ARHGAP20: variants seen among roughly 807,000 people sequenced by gnomAD.
ARHGAP20 encodes Rho GTPase activating protein 20.
ARHGAP20 carries 34 observed loss-of-function variants against 73.7 expected under a neutral mutation model. The observed-to-expected ratio is 0.46, with a 90% confidence interval of 0.35 to 0.61. ARHGAP20 has a LOEUF of 0.61. Ranked by LOEUF, ARHGAP20 falls within the 20% of genes least tolerant of loss-of-function variation. The probability of loss-of-function intolerance (pLI) is 0.00; values close to 1 mark genes in which losing one functional copy is unlikely to be tolerated. For missense variants in ARHGAP20, 1,314 were observed against 1,420.9 expected (o/e 0.92, Z 1.21); for synonymous variants, 523 against 518.2 (o/e 1.01, Z -0.13).
intron 2 of ARHGAP20, among the ~76,000 whole-genome samples, chr11:110,634,822 T>A (rs928492368): frequency 6.6e-6 from 1 of 152,120 alleles, no homozygotes; most frequent in Admixed American, 6.6e-5. Context: ...AACACTCCAA[T>A]CCTAAAATAT....
chr11:110,590,255 C>G (rs939528925), intron 11 of ARHGAP20, among the ~76,000 whole-genome samples: 3 of 151,872 alleles, frequency 2.0e-5, no homozygotes, highest in Non-Finnish European at 4.4e-5. Context: ...TTTCAAATGT[C>G]TAATGTTTAT....
rs11213505 is a variant in ARHGAP20, at chr11:110,631,986, T to G, written c.189-1194A>C. ...TGTGTAAGATATTACTTCCTCATCA[T>G]ATTTTTGGAATTCATTCATGTTATT... On this transcript the variant is annotated intron_variant, in intron 2 of 14. Coordinates refer to ENST00000683387, the MANE Select transcript of ARHGAP20 (RefSeq NM_001384657.1). 1.2e-3 allele frequency among the ~76,000 whole-genome samples: 177 copies of G among 152,330 alleles called. 1 individual carries two copies. The highest frequency in any genetic ancestry group is 3.9e-3 in the African/African-American group (162 of 41,584).
intron 10 of ARHGAP20, 112 bp downstream of exon 10, chr11:110,591,865 G>T: frequency 1.8e-6 from 2 of 1,119,202 alleles, no homozygotes; most frequent in Non-Finnish European, 1.3e-6. Flanking sequence ...AAGATTCTTA[G>T]CCAAAGACAG....
intron 3 of ARHGAP20, among the ~76,000 whole-genome samples, chr11:110,626,332 A>G (rs1271297260): frequency 6.6e-6 from 1 of 152,226 alleles, no homozygotes; most frequent in Non-Finnish European, 1.5e-5. Flanking sequence ...CCCTAGATCA[A>G]TAAGGTGCTA....
rs145676356 is a variant in ARHGAP20, at chr11:110,607,312, C to T, written c.776-563G>A. 6.5e-3 allele frequency among the ~76,000 whole-genome samples: 989 copies of T among 152,216 alleles called. 7 individuals are homozygous for T. The highest frequency in any genetic ancestry group is 6.2e-3 in the Admixed American group (95 of 15,286). On this transcript the variant is annotated intron_variant, in intron 8 of 14. Transcript: ENST00000683387. ...CTCAACTGGTTTGATTTATGCTTCC[C>T]TCTCACTGCTGCCCTCTGAGATTGA...
rs1482666628 is a variant in ARHGAP20 at position 110,590,779 on chromosome 11, G to T, written c.1174C>A (p.Pro392Thr). ...DMLFFLNQKGPLTKGIFRQSA... is the reference protein window; with the variant it reads ...DMLFFLNQKGTLTKGIFRQSA... ...TGCCTGAAGATACCTTTGGTGAGAG[G>T]TCCTTTTTGATTAAGAAAGAAAAGC... is the stretch of plus-strand genomic sequence containing the variant. The change falls in exon 11 of 15, where the codon CCT (proline) becomes ACT (threonine). Residue 392 changes from proline to threonine, a missense_variant. Pro to Thr is a conservative substitution (Grantham distance 38, BLOSUM62 -1). Coordinates refer to ENST00000683387, the MANE Select transcript of ARHGAP20 (RefSeq NM_001384657.1). The T allele has an allele frequency of 1.2e-6, 2 of 1,613,476 alleles. No homozygotes were observed. Among genetic ancestry groups the T allele is most frequent in the East Asian group, 2.2e-5 (1 of 44,872 alleles).
chr11:110,677,849 G>A (rs1329906855), intron 2 of ARHGAP20, among the ~76,000 whole-genome samples: 3 of 152,082 alleles, frequency 2.0e-5, no homozygotes, highest in Non-Finnish European at 2.9e-5. Flanking sequence ...TAGTGTTACC[G>A]TAAGACCCAA....
chr11:110,617,251 TTTTC>T (rs1948504480), intron 4 of ARHGAP20, among the ~76,000 whole-genome samples: 1 of 151,886 alleles, frequency 6.6e-6, no homozygotes, highest in African/African-American at 2.4e-5. Context: ...TTCTCTTTTA[TTTTC>T]TTTTTCTTTC....
At chr11:110,630,338 C>T (rs755981668) in intron 3 of ARHGAP20, among the ~76,000 whole-genome samples, 23 of 152,180 alleles carry the variant, frequency 1.5e-4, no homozygotes, top group Admixed American at 4.6e-4. Flanking sequence ...AGACTGTAAG[C>T]TCCCACATTA....
chr11:110,690,688 A>ATT, intron 1 of ARHGAP20, 59 bp from the exon 2 acceptor site: 1 of 1,515,790 alleles, frequency 6.6e-7, no homozygotes, highest in Non-Finnish European at 9.1e-7. Flanking sequence ...GACAATGTTG[A>ATT]TTTTTTTTTA....
At chr11:110,694,095 G>A (rs189331948) in intron 1 of ARHGAP20, among the ~76,000 whole-genome samples, 2 of 151,872 alleles carry the variant, frequency 1.3e-5, no homozygotes, top group East Asian at 1.9e-4. Context: ...GTTTGATATC[G>A]TATCACTTAC....
chr11:110,630,785 G>A lies in ARHGAP20; in HGVS notation c.196C>T (p.Pro66Ser). 1 of 1,613,828 alleles carries A rather than the reference G, an allele frequency of 6.2e-7. No individual in the cohort carries two copies. The highest frequency in any genetic ancestry group is 1.1e-5 in the South Asian group (1 of 91,016). Residue 66 changes from proline (P) to serine (S), a missense_variant, in exon 3 of 15, where the codon CCT becomes TCT. Transcript: ENST00000683387. ...GTGCATGTGTCAACACTAGCAGAAG[G>A]ACTGTCCCTGTAACAGATCAAATGC... ...LQKRPTTRDS[P>S]SASVDTCTFL...
At position 110,581,230 on chromosome 11, in the gene ARHGAP20, C is replaced by CA. The variant is rs1260624619; in HGVS notation, c.1721-6dup. The CA allele has an allele frequency of 6.3e-7, 1 of 1,592,858 alleles. No individual in the cohort carries two copies. The highest frequency in any genetic ancestry group is 8.5e-7 in the Non-Finnish European group (1 of 1,170,448). On this transcript the variant is annotated splice_polypyrimidine_tract_variant and splice_region_variant and intron_variant, in intron 14 of 14. Transcript: ENST00000683387. ...TCAGTTGAAAGCAAGAAATATCTGTCAAAAAAATTAAACCATGATTAACAT... is the reference window on the plus strand; with the variant it reads ...TCAGTTGAAAGCAAGAAATATCTGTCAAAAAAAATTAAACCATGATTAACAT...
intron 6 of ARHGAP20, 60 bp downstream of exon 6, chr11:110,614,501 C>T (rs1026314053): frequency 7.6e-6 from 11 of 1,453,152 alleles, no homozygotes; most frequent in African/African-American, 5.6e-5. Flanking sequence ...TCTTCTTATC[C>T]GTAGTGTTCT....
In ARHGAP20 at chr11:110,674,268, T is replaced by C. The variant is rs189938839; in HGVS notation, c.188+16279A>G. ...AAATCTCTAAGATTAAATATCTTTA[T>C]TTGTAAAATGAAAAAGCCATTCAAC... On this transcript the variant is annotated intron_variant, in intron 2 of 14. Coordinates refer to ENST00000683387, the MANE Select transcript of ARHGAP20 (RefSeq NM_001384657.1). 1.5e-4 allele frequency among the ~76,000 whole-genome samples: 23 copies of C among 152,326 alleles called. No homozygotes were observed. In the East Asian group the frequency reaches 4.3e-3, roughly 28 times the overall value.
intron 2 of ARHGAP20, among the ~76,000 whole-genome samples, chr11:110,651,305 A>T (rs939479012): frequency 6.6e-6 from 1 of 152,138 alleles, no homozygotes; most frequent in Non-Finnish European, 1.5e-5. Flanking sequence ...CTAACATCAC[A>T]ACTAAAAGAA....
intron 2 of ARHGAP20, among the ~76,000 whole-genome samples, chr11:110,678,803 A>C (rs545819917): frequency 6.6e-6 from 1 of 152,142 alleles, no homozygotes; most frequent in South Asian, 2.1e-4. Context: ...TGGGACTACA[A>C]GGTCCACACC....
chr11:110,711,175 A>C (rs1950645378), intron 1 of ARHGAP20, among the ~76,000 whole-genome samples: 2 of 152,146 alleles, frequency 1.3e-5, no homozygotes, highest in Non-Finnish European at 2.9e-5. Context: ...GAACCGTTCC[A>C]GCGAAACCTG....
chr11:110,690,369 T>C (rs1158303636), intron 2 of ARHGAP20, among the ~76,000 whole-genome samples, 178 bp downstream of exon 2: 1 of 152,228 alleles, frequency 6.6e-6, no homozygotes, highest in African/African-American at 2.4e-5. Context: ...TGAGCATATA[T>C]ACCAGCTAGG....
Sources: allele counts gnomAD v4.1 joint callset (sites outside exome capture counted in the v4.1 genomes callset), GRCh38; gene constraint gnomAD v4.1.1; transcripts MANE v1.5; gene names NCBI Gene and HGNC (gene_info 2026-07-23, HGNC 2026-07-21).